The following MAGI1 variants were observed in gnomAD, a reference collection of about 807,000 sequenced individuals.
The protein encoded by MAGI1 is membrane associated guanylate kinase, WW and PDZ domain containing 1, also known as membrane-associated guanylate kinase, WW and PDZ domain-containing protein 1.
In MAGI1, 58 loss-of-function variants were observed where a neutral mutation model predicts 139.9. That is an observed-to-expected ratio of 0.41 (90% confidence interval 0.34 to 0.52). MAGI1 has a LOEUF of 0.52. Ranked by LOEUF, MAGI1 falls within the 20% of genes least tolerant of loss-of-function variation. The pLI, the probability that MAGI1 is intolerant of heterozygous loss-of-function variation, is 0.12. For synonymous variants in MAGI1, 812 were observed against 737.9 expected, an observed-to-expected ratio of 1.10 and a Z score of -1.63; for missense variants, 1,874 against 1,901.6, an observed-to-expected ratio of 0.99 and a Z score of 0.27.
intron 1 of MAGI1, among the ~76,000 whole-genome samples, chr3:65,679,883 A>G (rs962116827): frequency 6.6e-5 from 10 of 152,352 alleles, no homozygotes; most frequent in African/African-American, 2.4e-4. Flanking sequence ...GCATGCCAAT[A>G]TGGCCTAGTT....
At chr3:65,476,513 T>C (rs1048975871) in intron 4 of MAGI1, among the ~76,000 whole-genome samples, 21 of 152,126 alleles carry the variant, frequency 1.4e-4, no homozygotes, top group African/African-American at 4.3e-4. Context: ...GAGAGAGAGA[T>C]TGATAGTAGT....
At chr3:65,506,870 C>T (rs1559618118) in intron 2 of MAGI1, among the ~76,000 whole-genome samples, 1 of 152,028 alleles carries the variant, frequency 6.6e-6, no homozygotes, top group Non-Finnish European at 1.5e-5. Context: ...AATAGCAATT[C>T]AAAACAGATA....
intron 1 of MAGI1, among the ~76,000 whole-genome samples, chr3:65,983,795 C>T (rs2065720894): frequency 1.3e-5 from 2 of 152,200 alleles, no homozygotes; most frequent in Middle Eastern, 3.4e-3. Context: ...TACTTAACTT[C>T]TTTATGTTTC....
intron 1 of MAGI1, among the ~76,000 whole-genome samples, chr3:65,863,194 T>G (rs1056093654): frequency 2.0e-5 from 3 of 152,178 alleles, no homozygotes; most frequent in African/African-American, 7.2e-5. Context: ...TCAAATACCA[T>G]CTCCTCTGAG....
At chr3:65,797,724 G>C (rs996266271) in intron 1 of MAGI1, among the ~76,000 whole-genome samples, 4 of 151,802 alleles carry the variant, frequency 2.6e-5, no homozygotes, top group Non-Finnish European at 5.9e-5. Flanking sequence ...TCAAAAAAAA[G>C]AAAACAGAAA....
At chr3:65,797,028 A>G (rs1036778105) in intron 1 of MAGI1, among the ~76,000 whole-genome samples, 1 of 152,056 alleles carries the variant, frequency 6.6e-6, no homozygotes, top group Non-Finnish European at 1.5e-5. Context: ...TTTTTCCAAC[A>G]GCATTTACTT....
At chr3:65,490,656 C>G (rs1951943399) in intron 3 of MAGI1, among the ~76,000 whole-genome samples, 1 of 151,594 alleles carries the variant, frequency 6.6e-6, no homozygotes, top group Non-Finnish European at 1.5e-5. Context: ...CCATCCTGGC[C>G]AACACGGTGA....
chr3:65,739,311 T>C (rs552914024), intron 1 of MAGI1, among the ~76,000 whole-genome samples: 4 of 152,320 alleles, frequency 2.6e-5, no homozygotes, highest in African/African-American at 7.2e-5. Context: ...TTCACAGAAC[T>C]GGGGAGTTAG....
At chr3:65,607,738 C>T (rs1490698781) in intron 2 of MAGI1, among the ~76,000 whole-genome samples, 1 of 152,102 alleles carries the variant, frequency 6.6e-6, no homozygotes, top group Non-Finnish European at 1.5e-5. Context: ...CTCATTTGTT[C>T]CCATCACAAG....
chr3:65,571,431 A>AGTGTTACTTAT (rs1181603195), intron 2 of MAGI1, among the ~76,000 whole-genome samples: 2 of 152,136 alleles, frequency 1.3e-5, no homozygotes, highest in Non-Finnish European at 2.9e-5. Context: ...TGTTATTTAT[A>AGTGTTACTTAT]AAAGGATCCA....
intron 1 of MAGI1, among the ~76,000 whole-genome samples, chr3:65,833,874 G>A (rs954457643): frequency 6.6e-6 from 1 of 152,230 alleles, no homozygotes; most frequent in Non-Finnish European, 1.5e-5. Flanking sequence ...TCATTTGCAT[G>A]CAGGAAAAAG....
At chr3:65,980,370 C>G (rs1276220143) in intron 1 of MAGI1, among the ~76,000 whole-genome samples, 3 of 152,132 alleles carry the variant, frequency 2.0e-5, no homozygotes, top group Admixed American at 2.0e-4. Flanking sequence ...CAAGACCAGC[C>G]TGGCCAACAT....
At chr3:65,541,616 G>A (rs536761926) in intron 2 of MAGI1, among the ~76,000 whole-genome samples, 2 of 152,060 alleles carry the variant, frequency 1.3e-5, no homozygotes, top group African/African-American at 2.4e-5. Context: ...CTGGTTCAAC[G>A]TACGCAAATC....
chr3:65,396,547 A>T (rs1944407999), intron 13 of MAGI1, among the ~76,000 whole-genome samples: 1 of 152,228 alleles, frequency 6.6e-6, no homozygotes. Context: ...TTCAAAATGT[A>T]GGTACTTAGA....
intron 1 of MAGI1, among the ~76,000 whole-genome samples, chr3:65,642,655 C>A (rs1456298470): frequency 6.6e-6 from 1 of 152,238 alleles, no homozygotes; most frequent in East Asian, 1.9e-4. Flanking sequence ...ATTTTCTATC[C>A]TTTTTCTTGA....
At chr3:65,926,327 TTCTCTCTCTCTCTC>T (rs377665681) in intron 1 of MAGI1, among the ~76,000 whole-genome samples, 80 of 115,662 alleles carry the variant, frequency 6.9e-4, no homozygotes, top group African/African-American at 2.3e-3. Context: ...AAGTCTTCTT[TTCTCTCTCTCTCTC>T]TCTCTCTCTC....
chr3:65,938,797 T>C (rs960329607), intron 1 of MAGI1, among the ~76,000 whole-genome samples: 4 of 152,182 alleles, frequency 2.6e-5, no homozygotes, highest in Non-Finnish European at 5.9e-5. Flanking sequence ...TGAGACCACA[T>C]CACTGAAATC....
At chr3:65,677,593 C>T (rs943523783) in intron 1 of MAGI1, among the ~76,000 whole-genome samples, 1 of 152,182 alleles carries the variant, frequency 6.6e-6, no homozygotes, top group African/African-American at 2.4e-5. Flanking sequence ...ACACTGGACC[C>T]AGACTTATGA....
At chr3:65,942,431 A>G (rs1484582681) in intron 1 of MAGI1, among the ~76,000 whole-genome samples, 1 of 152,112 alleles carries the variant, frequency 6.6e-6, no homozygotes, top group Admixed American at 6.5e-5. Flanking sequence ...TCATTCTGGG[A>G]TTTGGACATG....
Sources: gnomAD v4.1 joint callset for allele counts (sites outside exome capture counted in the v4.1 genomes callset) on GRCh38, gnomAD v4.1.1 for gene constraint, MANE v1.5 for transcripts, NCBI Gene and HGNC (gene_info 2026-07-23, HGNC 2026-07-21) for gene names.